Variants in ATP8A2 observed in about 807,000 individuals in gnomAD.
ATP8A2 encodes ATPase phospholipid transporting 8A2, also known as phospholipid-transporting ATPase IB.
In ATP8A2, 100 loss-of-function variants were observed where a neutral mutation model predicts 165.6. The ratio of observed to expected loss-of-function variants is 0.60; its 90% CI spans 0.51 to 0.71. The LOEUF (loss-of-function observed/expected upper bound fraction) is 0.71. Ranked by LOEUF, ATP8A2 falls within the 30% of genes least tolerant of loss-of-function variation. The pLI, the probability that ATP8A2 is intolerant of heterozygous loss-of-function variation, is 0.00. For missense variants in ATP8A2, 1,227 were observed against 1,479.5 expected, an observed-to-expected ratio of 0.83 and a Z score of 2.80; for synonymous variants, 543 against 548.8, an observed-to-expected ratio of 0.99 and a Z score of 0.15.
intron 6 of ATP8A2, among the ~76,000 whole-genome samples, chr13:25,536,106 G>A (rs1041703338): frequency 2.0e-4 from 31 of 151,832 alleles, no homozygotes; most frequent in African/African-American, 7.5e-4. Flanking sequence ...ATATGAAATC[G>A]TTTTAATTTT....
At chr13:25,802,762 AAAG>A (rs927175335) in intron 27 of ATP8A2, among the ~76,000 whole-genome samples, 6 of 152,216 alleles carry the variant, frequency 3.9e-5, no homozygotes, top group African/African-American at 1.4e-4. Context: ...TGTGGTTGTG[AAAG>A]AAGAAAAATG....
intron 35 of ATP8A2, among the ~76,000 whole-genome samples, chr13:25,982,017 T>C (rs1402465664): frequency 6.6e-6 from 1 of 152,170 alleles, no homozygotes; most frequent in African/African-American, 2.4e-5. Flanking sequence ...CCCATATCTA[T>C]TTTTTTGGCC....
chr13:25,700,493 C>A (rs1246799625), intron 25 of ATP8A2, among the ~76,000 whole-genome samples: 1 of 152,202 alleles, frequency 6.6e-6, no homozygotes, highest in Non-Finnish European at 1.5e-5. Context: ...TTAGCCTGTT[C>A]TTTTTCTGAC....
intron 2 of ATP8A2, among the ~76,000 whole-genome samples, chr13:25,496,314 G>A (rs1255676864): frequency 6.6e-6 from 1 of 152,124 alleles, no homozygotes; most frequent in Non-Finnish European, 1.5e-5. Context: ...CCTGGCTCAT[G>A]TGCCACCTCC....
At chr13:25,563,172 G>A (rs533959180) in intron 15 of ATP8A2, among the ~76,000 whole-genome samples, 3 of 152,342 alleles carry the variant, frequency 2.0e-5, no homozygotes, top group Admixed American at 2.0e-4. Context: ...CACTTTGGGA[G>A]GCCGAGGTGG....
chr13:25,463,376 T>A (rs1016310286), intron 1 of ATP8A2, among the ~76,000 whole-genome samples: 1 of 151,988 alleles, frequency 6.6e-6, no homozygotes, highest in Non-Finnish European at 1.5e-5. Context: ...ATTTAGTTTA[T>A]GCTTTTATGT....
chr13:25,972,131 C>G (rs1177508186), intron 35 of ATP8A2, among the ~76,000 whole-genome samples: 2 of 152,178 alleles, frequency 1.3e-5, no homozygotes, highest in Non-Finnish European at 2.9e-5. Context: ...CCTCTTGTAC[C>G]AAATTTACAA....
intron 33 of ATP8A2, among the ~76,000 whole-genome samples, chr13:25,917,117 G>C (rs1479015672): frequency 6.6e-6 from 1 of 152,186 alleles, no homozygotes; most frequent in East Asian, 1.9e-4. Flanking sequence ...CCCATGCCTG[G>C]TAGTAACCTC....
At chr13:25,828,233 A>T (rs540212837) in intron 28 of ATP8A2, 41 bp downstream of exon 28, 22 of 1,468,402 alleles carry the variant, frequency 1.5e-5, no homozygotes, top group Non-Finnish European at 2.1e-5. Context: ...TGCAGAACTT[A>T]GAACTTCAGT....
intron 2 of ATP8A2, among the ~76,000 whole-genome samples, chr13:25,529,466 A>C (rs2137897757): frequency 6.6e-6 from 1 of 152,316 alleles, no homozygotes; most frequent in Admixed American, 6.5e-5. Context: ...AAATTTGACC[A>C]GACTTACTGA....
intron 1 of ATP8A2, among the ~76,000 whole-genome samples, chr13:25,374,498 A>G (rs78787456): frequency 0.039 from 5,886 of 152,186 alleles, 217 homozygotes; most frequent in East Asian, 0.13. Flanking sequence ...TTGTTTTGAG[A>G]CTGTTCTACA....
intron 24 of ATP8A2, among the ~76,000 whole-genome samples, chr13:25,682,311 G>GT (rs1184306128): frequency 6.6e-6 from 1 of 152,008 alleles, no homozygotes; most frequent in Non-Finnish European, 1.5e-5. Context: ...ACACCTTATA[G>GT]TTTTGAGAGA....
At chr13:25,738,060 C>T (rs181816920) in intron 25 of ATP8A2, among the ~76,000 whole-genome samples, 40 of 151,758 alleles carry the variant, frequency 2.6e-4, no homozygotes, top group African/African-American at 7.6e-4. Flanking sequence ...CTGAAGACCA[C>T]GTCGTACATT....
At chr13:25,685,642 G>T (rs1362315109) in intron 24 of ATP8A2, among the ~76,000 whole-genome samples, 1 of 152,222 alleles carries the variant, frequency 6.6e-6, no homozygotes, top group Non-Finnish European at 1.5e-5. Context: ...ATGGAAATCT[G>T]GGAGAATGGA....
chr13:25,800,740 C>G (rs1950605854), intron 27 of ATP8A2, among the ~76,000 whole-genome samples: 1 of 150,176 alleles, frequency 6.7e-6, no homozygotes, highest in African/African-American at 2.5e-5. Context: ...CTGCTGCAGC[C>G]TGCCTCCTTG....
intron 1 of ATP8A2, among the ~76,000 whole-genome samples, chr13:25,420,711 G>A (rs1164769521): frequency 1.3e-5 from 2 of 152,090 alleles, no homozygotes; most frequent in Non-Finnish European, 2.9e-5. Flanking sequence ...ACTTAAAAAA[G>A]AAAAGAGTTC....
chr13:25,563,562 A>G (rs755736837), intron 15 of ATP8A2, among the ~76,000 whole-genome samples: 12 of 152,214 alleles, frequency 7.9e-5, no homozygotes, highest in Admixed American at 2.6e-4. Flanking sequence ...TCTGGCCACA[A>G]ATGATTGCAT....
In ATP8A2 at chr13:25,486,357, C is replaced by T. The variant is rs189996093; in HGVS notation, c.221+17236C>T. On this transcript the variant is annotated intron_variant, in intron 2 of 36. Coordinates refer to ENST00000381655, the MANE Select transcript of ATP8A2 (RefSeq NM_016529.6). ...AGTAGATTATAAGAAAGTTAACTGA[C>T]TTGGATTTTAAACCATAGTACTTTT... 2.6e-4 allele frequency among the ~76,000 whole-genome samples: 40 copies of T among 152,132 alleles called. 1 individual carries two copies. The highest frequency in any genetic ancestry group is 3.4e-3 in the Middle Eastern group (1 of 294).
rs869115516 is a variant in ATP8A2 at position 25,656,285 on chromosome 13, TTG to T, written c.2212-42886_2212-42885del. Among the ~76,000 whole-genome samples the T allele has an allele frequency of 2.3e-4, 34 of 150,764 alleles. No individual in the cohort carries two copies. The East Asian group carries it at 4.7e-3, about 21-fold the overall frequency. ...CTATTACTTAAAGTTGGATTTTTTT[TTG>T]TTTTTTGAAATGGAGTCTTACTCTG... On this transcript the variant is annotated intron_variant, in intron 24 of 36. Transcript: ENST00000381655.
Sources: gnomAD v4.1 joint callset for allele counts (sites outside exome capture counted in the v4.1 genomes callset) on GRCh38, gnomAD v4.1.1 for gene constraint, MANE v1.5 for transcripts, NCBI Gene and HGNC (gene_info 2026-07-23, HGNC 2026-07-21) for gene names.